Variants in INPP5D observed in about 807,000 individuals in gnomAD.
INPP5D encodes the protein phosphatidylinositol 3,4,5-trisphosphate 5-phosphatase 1.
Under a neutral mutation model 122.9 loss-of-function variants are expected in INPP5D, and 33 were observed. The ratio of observed to expected loss-of-function variants is 0.27; its 90% CI spans 0.20 to 0.36. The LOEUF is 0.36. INPP5D is among the 10% of genes least tolerant of loss of function. The pLI is 1.00. For synonymous variants in INPP5D, 584 were observed against 576.2 expected, an observed-to-expected ratio of 1.01 and a Z score of -0.19; for missense variants, 1,053 against 1,412.7, an observed-to-expected ratio of 0.75 and a Z score of 4.08.
At chr2:233,198,045 C>A in intron 24 of INPP5D, 50 bp from the exon 25 acceptor site, 1 of 1,492,796 alleles carries the variant, frequency 6.7e-7, no homozygotes, top group South Asian at 1.4e-5. Flanking sequence ...TGGTGCTGAC[C>A]CCGAGAAGGG....
At chr2:233,134,710 C>T (rs553212149) in intron 5 of INPP5D, among the ~76,000 whole-genome samples, 28 of 152,136 alleles carry the variant, frequency 1.8e-4, no homozygotes, top group African/African-American at 6.5e-4. Context: ...AATGGAGACA[C>T]GGAAAGGATT....
intron 2 of INPP5D, among the ~76,000 whole-genome samples, chr2:233,103,702 CTTTTTTTTTT>C (rs61589704): frequency 5.2e-5 from 6 of 116,162 alleles, no homozygotes; most frequent in African/African-American, 1.3e-4. Context: ...AAAAGTAGTT[CTTTTTTTTTT>C]TTTTTTTTTT....
Position 233,185,871 on chromosome 2 carries a change from T to C in INPP5D, c.2304T>C (p.Asn768=). The change falls in exon 21 of 27, where the codon AAT becomes AAC. Residue 768 remains asparagine (N), a synonymous_variant. Coordinates refer to ENST00000445964, the MANE Select transcript of INPP5D (RefSeq NM_001017915.3). ...ESFVKSQEGE[N]EEGSEGELVV... ...TTGTCAAGAGTCAGGAAGGAGAAAA[T>C]GAAGAAGGAAGTGAGGGGGAGCTGG... is the stretch of plus-strand genomic sequence containing the variant. The C allele has an allele frequency of 6.2e-7, 1 of 1,609,138 alleles. No individual in the cohort carries two copies. The highest frequency in any genetic ancestry group is 1.1e-5 in the South Asian group (1 of 89,808).
intron 2 of INPP5D, among the ~76,000 whole-genome samples, chr2:233,093,133 T>C (rs1692035432): frequency 6.6e-6 from 1 of 152,200 alleles, no homozygotes; most frequent in Non-Finnish European, 1.5e-5. Flanking sequence ...ACTGCATTCC[T>C]CTCTTGTCTA....
intron 5 of INPP5D, among the ~76,000 whole-genome samples, chr2:233,134,930 A>G (rs1215675163): frequency 6.6e-6 from 1 of 151,942 alleles, no homozygotes. Context: ...AGTGTCAGAA[A>G]CATGTATATC....
At chr2:233,195,181 C>A (rs1695149764) in intron 23 of INPP5D, among the ~76,000 whole-genome samples, 1 of 152,084 alleles carries the variant, frequency 6.6e-6, no homozygotes, top group Non-Finnish European at 1.5e-5. Flanking sequence ...GAAATGGCAA[C>A]TCTGGATCCC....
chr2:233,090,043 G>C (rs1691951217), intron 2 of INPP5D, among the ~76,000 whole-genome samples: 1 of 152,200 alleles, frequency 6.6e-6, no homozygotes, highest in South Asian at 2.1e-4. Flanking sequence ...CCCGGTGTCT[G>C]TCTCCCCCAG....
chr2:233,078,751 C>T lies in INPP5D; in HGVS notation c.135-584C>T, dbSNP rs557356212. ...AGGCTGGAGTGAAGTGGCACATTCT[C>T]GGCTCACTGCAACCTCCGCCTCCTG... On this transcript the variant is annotated intron_variant, in intron 1 of 26. Transcript: ENST00000445964. The surrounding 1 kb of genome is among the most constrained non-coding windows in gnomAD (Gnocchi z 4.6). Among the ~76,000 whole-genome samples, 11 of 152,266 alleles carry T rather than the reference C, an allele frequency of 7.2e-5. No homozygotes were observed. Among genetic ancestry groups the T allele is most frequent in the African/African-American group, 1.9e-4 (8 of 41,554 alleles).
rs73105544 is a variant in INPP5D at position 233,128,345 on chromosome 2, T to C, written c.525-2163T>C. ...ACTGTTTTTAATACTATAGAAGAGA[T>C]GTTTGTCCCTTTTAGTAAACAGACT... On this transcript the variant is annotated intron_variant, in intron 4 of 26. Transcript: ENST00000445964. This position sits in a 1 kb window ranked among gnomAD's most constrained non-coding sequence, Gnocchi z 4.5. Among the ~76,000 whole-genome samples the C allele has an allele frequency of 0.012, 1,868 of 152,358 alleles. 13 individuals are homozygous for C. Among genetic ancestry groups the C allele is most frequent in the African/African-American group, 0.021 (881 of 41,594 alleles).
chr2:233,193,962 G>A lies in INPP5D; in HGVS notation c.2596+1G>A. The A allele has an allele frequency of 1.3e-6, 2 of 1,595,716 alleles. No homozygotes were observed. Among genetic ancestry groups the A allele is most frequent in the Non-Finnish European group, 1.7e-6 (2 of 1,167,706 alleles). ...GGCAAGACGAGGGAGAAGCTCTATG[G>A]TAAGCAGCAAGCCCCTCCCCAGCGC... On this transcript the variant is annotated splice_donor_variant, in intron 23 of 26. Transcript: ENST00000445964. LOFTEE classifies it high-confidence loss of function.
chr2:233,086,486 C>A (rs995120495), intron 2 of INPP5D, among the ~76,000 whole-genome samples: 2 of 152,016 alleles, frequency 1.3e-5, no homozygotes, highest in African/African-American at 2.4e-5. Context: ...GCCAAGATAG[C>A]CTCTTTCCTA....
chr2:233,154,149 T>C (rs1425247781), intron 9 of INPP5D, among the ~76,000 whole-genome samples: 1 of 110,458 alleles, frequency 9.1e-6, no homozygotes. Flanking sequence ...AGGGATCAAA[T>C]TCTTTTTGTT....
At chr2:233,171,840 A>G (rs532095918) in intron 17 of INPP5D, among the ~76,000 whole-genome samples, 15 of 152,364 alleles carry the variant, frequency 9.8e-5, no homozygotes, top group African/African-American at 3.4e-4. Context: ...GGGAAGGATC[A>G]GGGAAGCCAG....
At chr2:233,095,823 T>C (rs1235660187) in intron 2 of INPP5D, among the ~76,000 whole-genome samples, 1 of 152,186 alleles carries the variant, frequency 6.6e-6, no homozygotes, top group Non-Finnish European at 1.5e-5. Flanking sequence ...GTAACCCTAA[T>C]GTCCTGCAAA....
intron 25 of INPP5D, 103 bp downstream of exon 25, chr2:233,198,479 G>C (rs1695244696): frequency 2.1e-6 from 3 of 1,460,226 alleles, no homozygotes; most frequent in African/African-American, 2.8e-5. Flanking sequence ...GCCACAATTT[G>C]TGTCCACTTG....
At chr2:233,202,709 C>T (rs1362324857) in intron 25 of INPP5D, among the ~76,000 whole-genome samples, 4 of 152,242 alleles carry the variant, frequency 2.6e-5, no homozygotes, top group Non-Finnish European at 5.9e-5. Context: ...AGAACACTCC[C>T]CTGGGAGATT....
At chr2:233,198,501 A>G in intron 25 of INPP5D, 125 bp downstream of exon 25, 1 of 1,412,352 alleles carries the variant, frequency 7.1e-7, no homozygotes, top group Non-Finnish European at 9.3e-7. Flanking sequence ...CTCATGACTT[A>G]TCCCTGGGGC....
intron 13 of INPP5D, among the ~76,000 whole-genome samples, chr2:233,165,935 G>C (rs1452963531): frequency 6.6e-6 from 1 of 152,132 alleles, no homozygotes; most frequent in Non-Finnish European, 1.5e-5. Context: ...GGCGAGGCCA[G>C]TGGTTTTTGG....
At chr2:233,102,856 A>AAAAAAC (rs1692354392) in intron 2 of INPP5D, among the ~76,000 whole-genome samples, 1 of 150,810 alleles carries the variant, frequency 6.6e-6, no homozygotes, top group Non-Finnish European at 1.5e-5. Flanking sequence ...TCTCAAAAAA[A>AAAAAAC]AAAAAAAACA....
Sources: gnomAD v4.1 joint callset for allele counts (sites outside exome capture counted in the v4.1 genomes callset) on GRCh38, gnomAD v4.1.1 for gene constraint, Gnocchi (gnomAD v3.1) non-coding constraint, MANE v1.5 for transcripts, NCBI Gene and HGNC (gene_info 2026-07-23, HGNC 2026-07-21) for gene names.